ME3: variants seen among roughly 807,000 people sequenced by gnomAD.
ME3 encodes malic enzyme 3.
Under a neutral mutation model 68.9 loss-of-function variants are expected in ME3, and 48 were observed. The observed-to-expected ratio is 0.70, with a 90% confidence interval of 0.55 to 0.89. The LOEUF is 0.89. Among genes scored for constraint, ME3 ranks in the 40% least tolerant of loss-of-function variants. The probability of loss-of-function intolerance (pLI) is 0.00; values close to 1 mark genes in which losing one functional copy is unlikely to be tolerated. For missense variants in ME3, 675 were observed against 797.4 expected (o/e 0.85, Z 1.85); for synonymous variants, 320 against 318.8 (o/e 1.00, Z -0.04).
chr11:86,636,713 A>G (rs1944354867), intron 2 of ME3, among the ~76,000 whole-genome samples: 1 of 152,250 alleles, frequency 6.6e-6, no homozygotes, highest in African/African-American at 2.4e-5. Context: ...GCTGTGTGTG[A>G]TCTTGAACAA....
At chr11:86,545,452 T>G (rs901147886) in intron 4 of ME3, among the ~76,000 whole-genome samples, 4 of 152,206 alleles carry the variant, frequency 2.6e-5, no homozygotes, top group Non-Finnish European at 5.9e-5. Flanking sequence ...CTTAAGCTGA[T>G]AAGCAACTTC....
chr11:86,599,135 A>G (rs956241820), intron 2 of ME3, among the ~76,000 whole-genome samples: 4 of 152,254 alleles, frequency 2.6e-5, no homozygotes, highest in African/African-American at 9.6e-5. Context: ...AGAAGGCTTC[A>G]GACGATCAAA....
At chr11:86,534,400 C>T (rs11234684) in intron 4 of ME3, among the ~76,000 whole-genome samples, 35,128 of 151,938 alleles carry the variant, frequency 0.23, 4,212 homozygotes, top group African/African-American at 0.25. Context: ...TTAGGCTGGG[C>T]GAGGTGGCTT....
intron 8 of ME3, chr11:86,462,669 T>C: frequency 8.9e-7 from 1 of 1,119,164 alleles, no homozygotes; most frequent in Non-Finnish European, 1.2e-6. Flanking sequence ...GCAGGCGCGG[T>C]GCTGGGAGCT....
chr11:86,577,014 C>A (rs1958153416), intron 2 of ME3, among the ~76,000 whole-genome samples: 1 of 152,106 alleles, frequency 6.6e-6, no homozygotes, highest in Admixed American at 6.6e-5. Context: ...CAGCCAAGTC[C>A]CCTGGATTCC....
intron 7 of ME3, among the ~76,000 whole-genome samples, chr11:86,477,300 T>G (rs1951133189): frequency 6.6e-6 from 1 of 152,168 alleles, no homozygotes; most frequent in Non-Finnish European, 1.5e-5. Context: ...CAGGCTCCCC[T>G]TTCTTAGATG....
At chr11:86,536,812 T>C (rs1009507230) in intron 4 of ME3, among the ~76,000 whole-genome samples, 1 of 152,144 alleles carries the variant, frequency 6.6e-6, no homozygotes, top group Non-Finnish European at 1.5e-5. Context: ...TTATAAATCA[T>C]GCTGCTATAA....
chr11:86,441,355 T>C (rs749731657), exon 15 of ME3: 1 of 1,613,640 alleles, frequency 6.2e-7, no homozygotes, highest in South Asian at 1.1e-5. Flanking sequence ...GTCTGGAGTG[T>C]AGACCAGGGA....
intron 4 of ME3, among the ~76,000 whole-genome samples, chr11:86,526,592 A>C (rs1394894680): frequency 2.0e-5 from 3 of 152,198 alleles, no homozygotes; most frequent in Non-Finnish European, 4.4e-5. Flanking sequence ...CTGACCCCCA[A>C]ATAGCCTAAC....
intron 8 of ME3, among the ~76,000 whole-genome samples, chr11:86,459,064 G>A (rs1685561289): frequency 6.6e-6 from 1 of 152,184 alleles, no homozygotes; most frequent in Admixed American, 6.5e-5. Flanking sequence ...ATCATTTAGA[G>A]TCTGTGGCTT....
intron 4 of ME3, among the ~76,000 whole-genome samples, chr11:86,533,754 C>T (rs1325728068): frequency 6.6e-6 from 1 of 152,138 alleles, no homozygotes; most frequent in Non-Finnish European, 1.5e-5. Flanking sequence ...AATACAGTCA[C>T]AGTGGATGTA....
At chr11:86,545,526 A>T (rs951647301) in intron 4 of ME3, among the ~76,000 whole-genome samples, 3 of 152,176 alleles carry the variant, frequency 2.0e-5, no homozygotes, top group Non-Finnish European at 4.4e-5. Context: ...TACCAATAAT[A>T]AACAAACAGG....
At chr11:86,587,115 T>C (rs1958783549) in intron 2 of ME3, among the ~76,000 whole-genome samples, 1 of 152,092 alleles carries the variant, frequency 6.6e-6, no homozygotes, top group South Asian at 2.1e-4. Flanking sequence ...AGGTCTTAGT[T>C]GAGCTGAGAT....
At chr11:86,471,349 T>A (rs529424809) in intron 7 of ME3, among the ~76,000 whole-genome samples, 4 of 152,164 alleles carry the variant, frequency 2.6e-5, no homozygotes, top group East Asian at 3.9e-4. Flanking sequence ...TTGGCCAGGA[T>A]GGTCTTGATT....
intron 2 of ME3, among the ~76,000 whole-genome samples, chr11:86,662,644 AAC>A (rs1381015715): frequency 1.3e-5 from 2 of 152,190 alleles, no homozygotes; most frequent in East Asian, 1.9e-4. Context: ...ATAATATAAT[AAC>A]AGTGTCTACC....
At chr11:86,556,319 A>G (rs117432011) in intron 4 of ME3, among the ~76,000 whole-genome samples, 2,854 of 152,270 alleles carry the variant, frequency 0.019, 105 homozygotes, top group Non-Finnish European at 0.018. Flanking sequence ...CTGGGCATTT[A>G]TTATTTGGAG....
chr11:86,452,801 GT>G (rs1204150735), intron 8 of ME3, among the ~76,000 whole-genome samples: 1 of 152,156 alleles, frequency 6.6e-6, no homozygotes, highest in East Asian at 1.9e-4. Flanking sequence ...AGATAACAGA[GT>G]TTTCAAATGT....
chr11:86,529,008 G>C (rs576531409), intron 4 of ME3, among the ~76,000 whole-genome samples: 1 of 152,090 alleles, frequency 6.6e-6, no homozygotes, highest in Non-Finnish European at 1.5e-5. Flanking sequence ...ACTAAGATCA[G>C]AGCTGAACTG....
Position 86,508,790 on chromosome 11 carries a change from A to C in ME3, c.543+2T>G, listed in dbSNP as rs888475751. ...TAAATAGCAATGAAAACGGGATCAT[A>C]CCTTAATATTGTCTTCTGGCCAAGA... On this transcript the variant is annotated splice_donor_variant, in intron 5 of 14. Transcript: ENST00000543262. LOFTEE classifies it high-confidence loss of function. The C allele has an allele frequency of 6.2e-7, 1 of 1,608,040 alleles. No homozygotes were observed. Among genetic ancestry groups the C allele is most frequent in the African/African-American group, 1.3e-5 (1 of 74,900 alleles).
Sources: gnomAD v4.1 joint callset for allele counts (sites outside exome capture counted in the v4.1 genomes callset) on GRCh38, gnomAD v4.1.1 for gene constraint, MANE v1.5 for transcripts, NCBI Gene and HGNC (gene_info 2026-07-23, HGNC 2026-07-21) for gene names.